LSG1: variants seen among roughly 807,000 people sequenced by gnomAD.
LSG1 encodes the protein large 60S subunit nuclear export GTPase 1.
Under a neutral mutation model 82.6 loss-of-function variants are expected in LSG1, and 55 were observed. The observed-to-expected ratio is 0.67, with a 90% CI of 0.54 to 0.83. The LOEUF is 0.83. Ranked by LOEUF, LSG1 falls within the 40% of genes least tolerant of loss-of-function variation. LSG1 has a pLI of 0.00. For missense variants in LSG1, 809 were observed against 807.9 expected (o/e 1.00, Z -0.02); for synonymous variants, 272 against 282.5 (o/e 0.96, Z 0.37).
intron 12 of LSG1, among the ~76,000 whole-genome samples, chr3:194,645,599 C>CACACACACACACACACACACACAGACAG (rs1718532966): frequency 7.9e-6 from 1 of 126,090 alleles, no homozygotes; most frequent in African/African-American, 3.0e-5. Flanking sequence ...CACACACACA[C>CACACACACACACACACACACACAGACAG]ACACACACAC....
chr3:194,645,505 CACACACACACACACACACACACACAG>C lies in LSG1; in HGVS notation c.1623+633_1623+658del, dbSNP rs1718503964. The C allele has an allele frequency of 3.7e-5, 2 of 53,498 alleles. 1 individual carries two copies. Among genetic ancestry groups the C allele is most frequent in the African/African-American group, 1.2e-4 (2 of 17,140 alleles). The allele number at this position is 53,498 out of a possible 1,614,324, so 3.3% of individuals were successfully genotyped here. A position where few individuals can be genotyped will look rare whatever the true frequency, so the allele number is the denominator to read the frequency against. ...CATTGAGCTTAGTGCTACACACACA[CACACACACACACACACACACACACAG>C]ACAGACACACACACACACACACACA... On this transcript the variant is annotated intron_variant, in intron 12 of 13. Transcript: ENST00000265245.
At chr3:194,667,340 C>T (rs114639789) in intron 2 of LSG1, among the ~76,000 whole-genome samples, 1,999 of 152,192 alleles carry the variant, frequency 0.013, 53 homozygotes, top group African/African-American at 0.046. Context: ...CATGAGCCAC[C>T]GCACCCAGCC....
At chr3:194,646,472 A>G in intron 11 of LSG1, 1 of 387,570 alleles carries the variant, frequency 2.6e-6, no homozygotes, top group Non-Finnish European at 4.6e-6. Flanking sequence ...GCTATGAAAG[A>G]CAAATTCGAT....
At chr3:194,658,873 A>G in intron 7 of LSG1, 84 bp downstream of exon 7, 1 of 1,335,996 alleles carries the variant, frequency 7.5e-7, no homozygotes. Flanking sequence ...TTTCCATAAG[A>G]ATAAACAAAA....
chr3:194,647,162 G>C (rs756135306), intron 11 of LSG1, among the ~76,000 whole-genome samples: 2 of 152,166 alleles, frequency 1.3e-5, no homozygotes, highest in African/African-American at 4.8e-5. Context: ...TGTTAAAAAA[G>C]TAAGTAAATA....
intron 2 of LSG1, 24 bp downstream of exon 2, chr3:194,669,985 T>C: frequency 6.2e-7 from 1 of 1,611,540 alleles, no homozygotes; most frequent in Non-Finnish European, 8.5e-7. Flanking sequence ...CAGTCTCACC[T>C]GCACTCAGCA....
chr3:194,666,545 G>A lies in LSG1; in HGVS notation c.254C>T (p.Ala85Val). 1 of 1,612,408 alleles carries A rather than the reference G, an allele frequency of 6.2e-7. No individual in the cohort carries two copies. Among genetic ancestry groups the A allele is most frequent in the Non-Finnish European group, 8.5e-7 (1 of 1,179,016 alleles). Residue 85 changes from alanine (A) to valine (V), a missense_variant, in exon 3 of 14, where the codon GCT becomes GTT. Ala to Val is a moderately conservative substitution (Grantham distance 64, BLOSUM62 0). Coordinates refer to ENST00000265245, the MANE Select transcript of LSG1 (RefSeq NM_018385.3). Reference sequence around the variant, plus strand: ...AGACAGTAGTCCAGTTCTAGCCTCAGCAGGCACAAACTTAATATTAAGTTT... The same window carrying A: ...AGACAGTAGTCCAGTTCTAGCCTCAACAGGCACAAACTTAATATTAAGTTT... ...AEKLNIKFVPAEARTGLLSFE... is the reference protein window; with the variant it reads ...AEKLNIKFVPVEARTGLLSFE...
Position 194,669,971 on chromosome 3 carries a change from G to T in LSG1, c.226+38C>A, listed in dbSNP as rs760315133. ...AAAAACCTCAGCCCCAGATGGAAAT[G>T]TGACAGTCTCACCTGCACTCAGCAA... On this transcript the variant is annotated intron_variant, in intron 2 of 13. Transcript: ENST00000265245. 14 of 1,584,984 alleles carry T rather than the reference G, an allele frequency of 8.8e-6. No homozygotes were observed. In the African/African-American group the frequency reaches 1.4e-4, roughly 15 times the overall value.
rs1718712814 is a variant in LSG1, at chr3:194,653,094, G to A, written c.808C>T (p.His270Tyr). ...ATTTCAGCCTGGTCGAAACTGGAAT[G>A]TCCAAACTTGGTTGTGTTGCTTTGT... ...DRQSNTTKFG[H>Y]SSFDQAEISH... Residue 270 changes from histidine to tyrosine, a missense_variant, in exon 8 of 14, where the codon CAT becomes TAT. Physicochemically the swap from His to Tyr is moderately conservative, Grantham distance 83 (BLOSUM62 2). Transcript: ENST00000265245. 1 of 1,614,078 alleles carries A rather than the reference G, an allele frequency of 6.2e-7. No individual in the cohort carries two copies. Among genetic ancestry groups the A allele is most frequent in the Admixed American group, 1.7e-5 (1 of 59,994 alleles).
rs978892843 is a variant in LSG1 at position 194,652,718 on chromosome 3, T to C, written c.1173+11A>G. 7 of 1,606,778 alleles carry C rather than the reference T, an allele frequency of 4.4e-6. No individual in the cohort carries two copies. Among genetic ancestry groups the C allele is most frequent in the Admixed American group, 1.7e-5 (1 of 59,536 alleles). ...CACGTGGTAACAATGTTATGACATA[T>C]GTCATCTTACCAGTCCGACCGTAAG... On this transcript the variant is annotated intron_variant, in intron 8 of 13. Transcript: ENST00000265245.
chr3:194,660,057 G>A lies in LSG1; in HGVS notation c.582+16C>T, dbSNP rs1718892370. 1 of 1,610,432 alleles carries A rather than the reference G, an allele frequency of 6.2e-7. No homozygotes were observed. The highest frequency in any genetic ancestry group is 8.5e-7 in the Non-Finnish European group (1 of 1,176,788). On this transcript the variant is annotated intron_variant, in intron 6 of 13. Coordinates refer to ENST00000265245, the MANE Select transcript of LSG1 (RefSeq NM_018385.3). ...CTCAAAGGACTGATGTTTGAATTTT[G>A]TCAAACTTGACTTACCAAATCCTCA...
rs146856473 is a variant in LSG1 at position 194,666,287 on chromosome 3, G to A, written c.350C>T (p.Pro117Leu). 4.3e-5 allele frequency: 69 copies of A among 1,613,588 alleles called. No individual in the cohort carries two copies. The highest frequency in any genetic ancestry group is 5.8e-5 in the Non-Finnish European group (69 of 1,179,844). Residue 117 changes from proline to leucine, a missense_variant and splice_region_variant, in exon 4 of 14, where the codon CCA (proline) becomes CTA (leucine). By Grantham distance (98) the Pro-to-Leu change is moderately conservative. Transcript: ENST00000265245. ...NKQFLCIPRR[P>L]NWNQNTTPEE... ...TGGGGTAGTATTTTGGTTCCAGTTT[G>A]GTCTGAAACAATCATAGAAGGAAAA...
At position 194,652,982 on chromosome 3, in the gene LSG1, T is replaced by C; in HGVS notation, c.920A>G (p.Tyr307Cys). ...TTCCTCCTCCTCTGGACAGTCCTCA[T>C]ACTCACTGTCATCTTCATCCGTTGT... ...NPTTDEDDSE[Y>C]EDCPEEEEDD... The change falls in exon 8 of 14, where the codon TAT (tyrosine) becomes TGT (cysteine). Residue 307 changes from tyrosine to cysteine, a missense_variant. Tyr to Cys is a radical substitution (Grantham distance 194). Transcript: ENST00000265245. 1.2e-6 allele frequency: 2 copies of C among 1,614,202 alleles called. No homozygotes were observed. Among genetic ancestry groups the C allele is most frequent in the Non-Finnish European group, 1.7e-6 (2 of 1,180,024 alleles).
chr3:194,651,714 G>C (rs1718678904), intron 8 of LSG1: 1 of 153,546 alleles, frequency 6.5e-6, no homozygotes, highest in Non-Finnish European at 1.4e-5. Context: ...GAAAATGAGG[G>C]AGGATGCTCA....
rs201223577 is a variant in LSG1, at chr3:194,666,578, C to T, written c.227-6G>A. The T allele has an allele frequency of 1.6e-4, 260 of 1,606,840 alleles. 2 individuals carry two copies. The Middle Eastern group carries it at 3.2e-3, about 19-fold the overall frequency. On this transcript the variant is annotated splice_region_variant and splice_polypyrimidine_tract_variant and intron_variant, in intron 2 of 13. Transcript: ENST00000265245. The stretch of plus-strand genomic sequence containing the variant: ...AAACTTAATATTAAGTTTCTCTGTT[C>T]AAATAAAGAAAAGTACTATTACTTA...
At chr3:194,661,313 T>C (rs1226079769) in intron 5 of LSG1, among the ~76,000 whole-genome samples, 3 of 152,098 alleles carry the variant, frequency 2.0e-5, no homozygotes, top group Non-Finnish European at 4.4e-5. Flanking sequence ...AATGAAAAAA[T>C]GATTACAAAA....
At chr3:194,666,900 C>T (rs1719041103) in intron 2 of LSG1, among the ~76,000 whole-genome samples, 1 of 152,110 alleles carries the variant, frequency 6.6e-6, no homozygotes, top group African/African-American at 2.4e-5. Context: ...AATGTAAATG[C>T]TGCAGCTCTA....
At chr3:194,645,515 C>CACACACAG (rs1718506972) in intron 12 of LSG1, 2 of 53,914 alleles carry the variant, frequency 3.7e-5, no homozygotes, top group Admixed American at 2.2e-4. Flanking sequence ...CACACACACA[C>CACACACAG]ACACACACAC....
rs1177841884 is a variant in LSG1 at position 194,650,999 on chromosome 3, C to T, written c.1301G>A (p.Cys434Tyr). Residue 434 changes from cysteine to tyrosine, a missense_variant, in exon 10 of 14, where the codon TGC (cysteine) becomes TAC (tyrosine). By Grantham distance (194) the Cys-to-Tyr change is radical. Transcript: ENST00000265245. ...CACCAAGCCAGGACAGTCACACAGGCAGAGGCCAGGCTCCACATAGAGAGT... is the reference window on the plus strand; with the variant it reads ...CACCAAGCCAGGACAGTCACACAGGTAGAGGCCAGGCTCCACATAGAGAGT... Reference protein sequence around the residue: ...FQTLYVEPGLCLCDCPGLVMP... With the variant: ...FQTLYVEPGLYLCDCPGLVMP... 1.2e-6 allele frequency: 2 copies of T among 1,614,050 alleles called. No homozygotes were observed. Among genetic ancestry groups the T allele is most frequent in the East Asian group, 4.5e-5 (2 of 44,884 alleles).
Sources: allele counts gnomAD v4.1 joint callset (sites outside exome capture counted in the v4.1 genomes callset), GRCh38; gene constraint gnomAD v4.1.1; transcripts MANE v1.5; gene names NCBI Gene and HGNC (gene_info 2026-07-23, HGNC 2026-07-21).